COMMD5: variants seen among roughly 807,000 people sequenced by gnomAD.
The protein encoded by COMMD5 is COMM domain-containing protein 5.
In COMMD5, 10 loss-of-function variants were observed where a neutral mutation model predicts 6.9. That is an observed-to-expected ratio of 1.44 (90% CI 0.89 to 2.45). The LOEUF (loss-of-function observed/expected upper bound fraction) is 2.45. COMMD5 is among the 30% of genes most tolerant of loss of function. COMMD5 has a pLI of 0.00. For synonymous variants in COMMD5, 127 were observed against 125.3 expected (o/e 1.01, Z -0.09); for missense variants, 234 against 287.8 (o/e 0.81, Z 1.35).
downstream of COMMD5, among the ~76,000 whole-genome samples, chr8:144,848,374 G>A (rs190770331): frequency 6.6e-6 from 1 of 152,038 alleles, no homozygotes; most frequent in African/African-American, 2.4e-5. Flanking sequence ...GCTCATGCCT[G>A]TAATCCCAGC....
Position 144,843,102 on chromosome 8 carries a change from T to C in COMMD5, c.*117-1359A>G, listed in dbSNP as rs200395051. On this transcript the variant is annotated intron_variant and NMD_transcript_variant, in intron 1 of 1. Coordinates refer to the COMMD5 transcript ENST00000530332. ...CCGGGGAGAAGCCTTATAAATGCAATGACTGTGGCAAAGCTTTTAATCGTA... is the reference window on the plus strand; with the variant it reads ...CCGGGGAGAAGCCTTATAAATGCAACGACTGTGGCAAAGCTTTTAATCGTA... 4.7e-5 allele frequency: 76 copies of C among 1,612,586 alleles called. No individual in the cohort carries two copies. In the East Asian group the frequency reaches 1.5e-3, roughly 32 times the overall value.
rs141394487 is a variant in COMMD5, at chr8:144,841,715, A to G, written c.*145T>C. 101 of 1,614,176 alleles carry G rather than the reference A, an allele frequency of 6.3e-5. No individual in the cohort carries two copies. Among genetic ancestry groups the G allele is most frequent in the Non-Finnish European group, 7.9e-5 (93 of 1,180,026 alleles). On this transcript the variant is annotated 3_prime_UTR_variant and NMD_transcript_variant, in exon 2 of 2. Coordinates refer to the COMMD5 transcript ENST00000530332. ...TCCCAGAGATGCGAGGAGTGTGGCA[A>G]AGGCATCAGAGCCACTTCAGATATC...
chr8:144,846,012 C>T (rs1479890436), downstream of COMMD5: 1 of 1,536,560 alleles, frequency 6.5e-7, no homozygotes, highest in Non-Finnish European at 8.7e-7. Flanking sequence ...GGACAAGAGC[C>T]AAGGCACCCA....
At chr8:144,843,315 T>C (rs778396257) in intron 1 of COMMD5, 373 of 1,064,682 alleles carry the variant, frequency 3.5e-4, no homozygotes, top group Middle Eastern at 9.1e-4. Context: ...TCAGGCCGAG[T>C]GTGGTGGCTT....
In COMMD5 at chr8:144,841,945, T is replaced by G. The variant is rs771580771; in HGVS notation, c.*117-202A>C. 2.5e-6 allele frequency: 4 copies of G among 1,614,048 alleles called. No homozygotes were observed. In the African/African-American group the frequency reaches 5.3e-5, roughly 22 times the overall value. On this transcript the variant is annotated intron_variant and NMD_transcript_variant, in intron 1 of 1. Coordinates refer to the COMMD5 transcript ENST00000530332. ...CCACACGGGAGAGAAACCCTTTAAA[T>G]GCACTGAGTGTGGAAAAGCCTTCCG...
chr8:144,842,190 C>T, intron 1 of COMMD5: 1 of 1,613,904 alleles, frequency 6.2e-7, no homozygotes, highest in Non-Finnish European at 8.5e-7. Context: ...GGGAGAGGCC[C>T]TACCCTTGCA....
At chr8:144,849,648 G>A (rs778717046), downstream of COMMD5, among the ~76,000 whole-genome samples, 1 of 152,062 alleles carries the variant, frequency 6.6e-6, no homozygotes, top group Admixed American at 6.6e-5. Flanking sequence ...GAGCACCAAG[G>A]CCCCTCCTGG....
At chr8:144,846,188 A>C (rs1259028600), downstream of COMMD5, 1 of 1,535,874 alleles carries the variant, frequency 6.5e-7, no homozygotes, top group East Asian at 2.4e-5. Context: ...AAAATTCCAG[A>C]TTCTGTGCTA....
At chr8:144,849,920 T>G (rs1286291990), downstream of COMMD5, among the ~76,000 whole-genome samples, 1 of 152,052 alleles carries the variant, frequency 6.6e-6, no homozygotes, top group Admixed American at 6.6e-5. Flanking sequence ...TTGACCTCTG[T>G]ACCCTCCCCA....
At chr8:144,845,186 C>CA (rs1281449016), downstream of COMMD5, among the ~76,000 whole-genome samples, 7 of 152,196 alleles carry the variant, frequency 4.6e-5, no homozygotes, top group African/African-American at 1.4e-4. Context: ...TGTAGAAGCT[C>CA]ACGAGAAATC....
chr8:144,852,666 C>G (rs903719898), intron 1 of COMMD5, 173 bp downstream of exon 1: 2 of 152,288 alleles, frequency 1.3e-5, no homozygotes, highest in Non-Finnish European at 2.9e-5. Context: ...GGAAGGCCTC[C>G]GAGCTGCCCG....
At chr8:144,843,192 A>G (rs1441918502) in intron 1 of COMMD5, 4 of 1,537,660 alleles carry the variant, frequency 2.6e-6, no homozygotes, top group Non-Finnish European at 3.5e-6. Context: ...AAATGTGTAT[A>G]TATGTGAATA....
At chr8:144,838,039 T>C, downstream of COMMD5, 1 of 696,052 alleles carries the variant, frequency 1.4e-6, no homozygotes, top group Non-Finnish European at 2.6e-6. Flanking sequence ...AACCGGGGGG[T>C]CAGCAAGCAG....
chr8:144,848,538 A>G (rs1830610830), downstream of COMMD5, among the ~76,000 whole-genome samples: 3 of 151,870 alleles, frequency 2.0e-5, no homozygotes, highest in Admixed American at 2.0e-4. Flanking sequence ...AGCCATATAC[A>G]TTTGTTTACG....
chr8:144,851,501 C>T, intron 1 of COMMD5, 106 bp from the exon 2 acceptor site: 1 of 778,826 alleles, frequency 1.3e-6, no homozygotes, highest in Middle Eastern at 2.8e-4. Context: ...GTGTGAACTA[C>T]CAATGACAGT....
At chr8:144,843,326 A>C (rs1461926367) in intron 1 of COMMD5, 18 of 876,972 alleles carry the variant, frequency 2.1e-5, no homozygotes, top group Admixed American at 3.2e-5. Context: ...GTGGTGGCTT[A>C]TGCCTGTCAT....
In COMMD5 at chr8:144,851,145, C is replaced by T. The variant is rs552752097; in HGVS notation, c.194G>A (p.Arg65Gln). Residue 65 changes from arginine (R) to glutamine (Q), a missense_variant, in exon 2 of 2, where the codon CGA becomes CAA. Transcript: ENST00000305103. ...VVSSLQGEDC[R>Q]EAVQRLGVSA... ...GACCCCAAGACGCTGCACAGCCTCT[C>T]GGCAGTCCTCCCCCTGCAGGCTGCT... is the stretch of plus-strand genomic sequence containing the variant. 4.3e-5 allele frequency: 70 copies of T among 1,613,172 alleles called. No individual in the cohort carries two copies. In the African/African-American group the frequency reaches 5.6e-4, roughly 13 times the overall value.
At chr8:144,842,419 G>C in intron 1 of COMMD5, 1 of 1,614,164 alleles carries the variant, frequency 6.2e-7, no homozygotes. Context: ...TCACACTGGA[G>C]AGAAGCCTTA....
chr8:144,838,300 CTG>C (rs1829327805), downstream of COMMD5: 1 of 585,466 alleles, frequency 1.7e-6, no homozygotes, highest in African/African-American at 1.9e-5. Flanking sequence ...TCTGCAACGA[CTG>C]TGTTTCCAAA....
Sources: gnomAD v4.1 joint callset for allele counts (sites outside exome capture counted in the v4.1 genomes callset) on GRCh38, gnomAD v4.1.1 for gene constraint, MANE v1.5 for transcripts, NCBI Gene and HGNC (gene_info 2026-07-23, HGNC 2026-07-21) for gene names.